Variants in PCDHGA1 observed in about 807,000 individuals in gnomAD.
PCDHGA1 encodes protocadherin gamma subfamily A, 1, also known as protocadherin gamma-A1.
A neutral mutation model predicts 58.0 loss-of-function variants in PCDHGA1; 32 were observed. That is an observed-to-expected ratio of 0.55 (90% CI 0.42 to 0.74). The LOEUF (loss-of-function observed/expected upper bound fraction) is 0.74. PCDHGA1 is among the 30% of genes least tolerant of loss of function. The pLI is 0.00. For synonymous variants in PCDHGA1, 498 were observed against 501.1 expected (o/e 0.99, Z 0.08); for missense variants, 1,205 against 1,182.3 (o/e 1.02, Z -0.28).
At chr5:141,421,512 G>A in intron 1 of PCDHGA1, 1 of 1,614,094 alleles carries the variant, frequency 6.2e-7, no homozygotes, top group Non-Finnish European at 8.5e-7. Flanking sequence ...ACCGGGAGGA[G>A]CTCTGTGAGA....
intron 1 of PCDHGA1, chr5:141,426,871 A>G (rs887250057): frequency 2.2e-6 from 1 of 456,722 alleles, no homozygotes; most frequent in Non-Finnish European, 4.4e-6. Flanking sequence ...GTGCTGGAGA[A>G]GCCCCTGGGC....
At chr5:141,501,402 G>A (rs527659990) in intron 2 of PCDHGA1, among the ~76,000 whole-genome samples, 5 of 151,740 alleles carry the variant, frequency 3.3e-5, no homozygotes, top group Non-Finnish European at 7.4e-5. Flanking sequence ...ACAGGCCACT[G>A]CTTGGAAAAT....
rs188066304 is a variant in PCDHGA1, at chr5:141,450,907, C to T, written c.2422-43900C>T. On this transcript the variant is annotated intron_variant, in intron 1 of 3. Coordinates refer to ENST00000517417, the MANE Select transcript of PCDHGA1 (RefSeq NM_018912.3). ...TGGTGCGATATCGGCTCACTGCAAC[C>T]GCTGCCTCCCAGATTCAAGCAATTC... is the stretch of plus-strand genomic sequence containing the variant. 6.7e-3 allele frequency among the ~76,000 whole-genome samples: 1,004 copies of T among 150,024 alleles called. 12 individuals carry two copies. The highest frequency in any genetic ancestry group is 0.024 in the African/African-American group (970 of 40,702).
chr5:141,341,425 A>G (rs1335458256), intron 1 of PCDHGA1: 4 of 1,612,378 alleles, frequency 2.5e-6, no homozygotes, highest in Non-Finnish European at 3.4e-6. Context: ...CATACGTACT[A>G]GCTAGTTTGC....
At position 141,414,415 on chromosome 5, in the gene PCDHGA1, C is replaced by T. The variant is rs769791452; in HGVS notation, c.2422-80392C>T. ...TTACAGATTGGTGATACACAGAGCC[C>T]TTGACAGGGAACAGGTATCCTCTTA... On this transcript the variant is annotated intron_variant, in intron 1 of 3. Coordinates refer to ENST00000517417, the MANE Select transcript of PCDHGA1 (RefSeq NM_018912.3). The T allele has an allele frequency of 2.5e-6, 4 of 1,613,758 alleles. No individual in the cohort carries two copies. Among genetic ancestry groups the T allele is most frequent in the Non-Finnish European group, 8.5e-7 (1 of 1,179,880 alleles).
intron 1 of PCDHGA1, among the ~76,000 whole-genome samples, chr5:141,407,257 T>C (rs1325198387): frequency 1.3e-5 from 2 of 152,240 alleles, no homozygotes; most frequent in Non-Finnish European, 2.9e-5. Context: ...CTCATATTTT[T>C]AACCATGCAA....
At chr5:141,420,687 G>T (rs2096517632) in intron 1 of PCDHGA1, among the ~76,000 whole-genome samples, 1 of 152,182 alleles carries the variant, frequency 6.6e-6, no homozygotes, top group South Asian at 2.1e-4. Flanking sequence ...TATCGGGACC[G>T]TATTATTTCC....
At position 141,489,397 on chromosome 5, in the gene PCDHGA1, G is replaced by A. The variant is rs1307106048; in HGVS notation, c.2422-5410G>A. 2.5e-6 allele frequency: 4 copies of A among 1,614,058 alleles called. No homozygotes were observed. The highest frequency in any genetic ancestry group is 2.7e-5 in the African/African-American group (2 of 74,914). ...GGTGGGGAATGTTGCTCAGGATCTG[G>A]GCTTAAAGATGACAGATCTGTTGAG... On this transcript the variant is annotated intron_variant, in intron 1 of 3. Transcript: ENST00000517417. This position sits in a 1 kb window ranked among gnomAD's most constrained non-coding sequence, Gnocchi z 4.5.
chr5:141,351,243 A>G (rs377475753), intron 1 of PCDHGA1: 3 of 1,613,916 alleles, frequency 1.9e-6, no homozygotes, highest in African/African-American at 2.7e-5. Context: ...GCTCACTGTA[A>G]TGTTCAAATA....
At chr5:141,427,386 A>G (rs2097020887) in intron 1 of PCDHGA1, 1 of 459,098 alleles carries the variant, frequency 2.2e-6, no homozygotes, top group Non-Finnish European at 4.4e-6. Context: ...CACTCTGTTC[A>G]AAACACATGA....
At chr5:141,388,207 C>T (rs1374751231) in intron 1 of PCDHGA1, 1 of 1,578,332 alleles carries the variant, frequency 6.3e-7, no homozygotes, top group Admixed American at 1.7e-5. Flanking sequence ...GAATTTGAGG[C>T]TGTTGCTGAA....
chr5:141,490,906 G>C lies in PCDHGA1; in HGVS notation c.2422-3901G>C. On this transcript the variant is annotated intron_variant, in intron 1 of 3. Transcript: ENST00000517417. The surrounding 1 kb of genome is among the most constrained non-coding windows in gnomAD (Gnocchi z 5.4). ...CACATCTCTGCATGTGTTTGTCCTA[G>C]ACGAGAATGATAATGCCCCAGCTGT... The C allele has an allele frequency of 1.9e-6, 3 of 1,613,798 alleles. No individual in the cohort carries two copies. The highest frequency in any genetic ancestry group is 2.5e-6 in the Non-Finnish European group (3 of 1,179,808).
At chr5:141,344,711 G>C (rs530004756) in intron 1 of PCDHGA1, 1 of 1,613,938 alleles carries the variant, frequency 6.2e-7, no homozygotes, top group Non-Finnish European at 8.5e-7. Context: ...CTGGCAACTT[G>C]CACATCCAAG....
Position 141,332,406 on chromosome 5 carries a change from C to T in PCDHGA1, c.1722C>T (p.Gly574=). 6.2e-7 allele frequency: 1 copy of T among 1,614,190 alleles called. No homozygotes were observed. The highest frequency in any genetic ancestry group is 1.1e-5 in the South Asian group (1 of 91,088). Residue 574 remains glycine (G), a synonymous_variant, in exon 1 of 4, where the codon GGC becomes GGT. Coordinates refer to ENST00000517417, the MANE Select transcript of PCDHGA1 (RefSeq NM_018912.3). The surrounding 1 kb of genome is among the most constrained non-coding windows in gnomAD (Gnocchi z 4.6). ...CCCTCCCCACAGATGGTTCTACCGG[C>T]GTGGAGCTGGCGCCCCTCTCCGCAG... ...YPALPTDGST[G]VELAPLSAEP... is the part of the protein sequence containing the mutation.
intron 1 of PCDHGA1, among the ~76,000 whole-genome samples, chr5:141,458,368 A>C (rs934670055): frequency 3.9e-5 from 6 of 152,112 alleles, no homozygotes; most frequent in Admixed American, 3.9e-4. Flanking sequence ...GAAGGAAGGG[A>C]GAAGAGAGAA....
intron 1 of PCDHGA1, chr5:141,478,600 C>T (rs762531135): frequency 6.4e-7 from 1 of 1,565,134 alleles, no homozygotes. Context: ...ATTCCTACAT[C>T]ATATTGAGGA....
chr5:141,393,964 G>C, intron 1 of PCDHGA1: 1 of 1,613,870 alleles, frequency 6.2e-7, no homozygotes, highest in Middle Eastern at 1.6e-4. Flanking sequence ...CAAGTTGTCT[G>C]TTACACACGT....
At chr5:141,501,516 C>T (rs763346187) in intron 2 of PCDHGA1, among the ~76,000 whole-genome samples, 1 of 152,010 alleles carries the variant, frequency 6.6e-6, no homozygotes, top group African/African-American at 2.4e-5. Context: ...GGCCTCCAAG[C>T]TGAAGCCCAG....
chr5:141,502,825 G>A (rs1487995525), intron 2 of PCDHGA1, among the ~76,000 whole-genome samples: 4 of 151,216 alleles, frequency 2.6e-5, no homozygotes, highest in South Asian at 2.1e-4. Flanking sequence ...TTTCCTTGGG[G>A]AAGCCTGGAC....
Sources: allele counts gnomAD v4.1 joint callset (sites outside exome capture counted in the v4.1 genomes callset), GRCh38; gene constraint gnomAD v4.1.1; non-coding constraint Gnocchi (gnomAD v3.1); transcripts MANE v1.5; gene names NCBI Gene and HGNC (gene_info 2026-07-23, HGNC 2026-07-21).